UST: variants seen among roughly 807,000 people sequenced by gnomAD.
The protein encoded by UST is chondroitin sulfate 2-O-sulfotransferase.
In UST, 21 loss-of-function variants were observed where a neutral mutation model predicts 45.6. That is an observed-to-expected ratio of 0.46 (90% CI 0.33 to 0.66). The LOEUF (loss-of-function observed/expected upper bound fraction) is 0.66, where lower values mean the gene tolerates loss of function less well. Ranked by LOEUF, UST falls within the 30% of genes least tolerant of loss-of-function variation. UST has a pLI of 0.02. For missense variants in UST, 463 were observed against 512.4 expected (o/e 0.90, Z 0.93); for synonymous variants, 215 against 200.6 (o/e 1.07, Z -0.61).
At chr6:148,768,703 C>T (rs1328563846) in intron 1 of UST, among the ~76,000 whole-genome samples, 1 of 152,212 alleles carries the variant, frequency 6.6e-6, no homozygotes, top group East Asian at 1.9e-4. Context: ...CCTTCTTTAA[C>T]AGTAAATGAA....
rs933102028 is a variant in UST, at chr6:148,904,743, C to T, written c.291+17714C>T. ...TTCATCATGTTGGACAGGCTGGTCT[C>T]GAACCCCTGACCTCAAGTGAAGTCC... On this transcript the variant is annotated intron_variant, in intron 2 of 7. Coordinates refer to ENST00000367463, the MANE Select transcript of UST (RefSeq NM_005715.3). Among the ~76,000 whole-genome samples the T allele has an allele frequency of 3.3e-5, 5 of 152,156 alleles. No homozygotes were observed. The South Asian group carries it at 6.2e-4, about 19-fold the overall frequency.
At chr6:148,752,890 T>G (rs1776016851) in intron 1 of UST, among the ~76,000 whole-genome samples, 1 of 152,228 alleles carries the variant, frequency 6.6e-6, no homozygotes, top group East Asian at 1.9e-4. Context: ...GCTTTTTTTT[T>G]GTTTTTTGGA....
intron 1 of UST, among the ~76,000 whole-genome samples, chr6:148,830,431 C>T (rs147896874): frequency 1.3e-4 from 20 of 152,324 alleles, no homozygotes; most frequent in African/African-American, 4.6e-4. Context: ...CAAAGACGAC[C>T]GGACTAAGCA....
Position 148,941,282 on chromosome 6 carries a change from C to T in UST, c.295C>T (p.Leu99=). The change falls in exon 3 of 8, where the codon CTA becomes TTA. Residue 99 remains leucine (L), a synonymous_variant. Coordinates refer to ENST00000367463, the MANE Select transcript of UST (RefSeq NM_005715.3). Reference sequence around the variant, plus strand: ...GTTCTCTTGGTTTTTTTCCCAGGTACTACCTTTCCCAAGCCAGGTGGTGTA... The same window carrying T: ...GTTCTCTTGGTTTTTTTCCCAGGTATTACCTTTCCCAAGCCAGGTGGTGTA... ...DDHGPPPSKV[L]PFPSQVVYNR... The T allele has an allele frequency of 1.2e-6, 2 of 1,612,744 alleles. No homozygotes were observed. Among genetic ancestry groups the T allele is most frequent in the Non-Finnish European group, 1.7e-6 (2 of 1,179,656 alleles).
intron 5 of UST, among the ~76,000 whole-genome samples, chr6:149,010,798 C>T (rs1402793447): frequency 6.7e-6 from 1 of 148,150 alleles, no homozygotes; most frequent in Non-Finnish European, 1.5e-5. Flanking sequence ...GAGGCTGAGG[C>T]AGGAGAATCG....
rs1377353562 is a variant in UST, at chr6:149,043,005, TTCTTTCTTTCTTTCTTTTTC to T, written c.937+21526_937+21545del. 4.4e-3 allele frequency among the ~76,000 whole-genome samples: 514 copies of T among 117,314 alleles called. 1 individual carries two copies. Among genetic ancestry groups the T allele is most frequent in the African/African-American group, 0.013 (318 of 24,492 alleles). The allele number at this position is 117,314 out of a possible 152,430, so 77.0% of individuals were successfully genotyped here. A position where few individuals can be genotyped will look rare whatever the true frequency, so the allele number is the denominator to read the frequency against. On this transcript the variant is annotated intron_variant, in intron 7 of 7. Transcript: ENST00000367463. Reference sequence around the variant, plus strand: ...TTTCTTTCTTTCTTTCTTTCTTTCTTTCTTTCTTTCTTTCTTTTTCTTTCTTTCTTTCTTTCTTTCCTTCT... The same window carrying T: ...TTTCTTTCTTTCTTTCTTTCTTTCTTTTTCTTTCTTTCTTTCTTTCCTTCT...
intron 5 of UST, among the ~76,000 whole-genome samples, chr6:149,011,627 A>T (rs1248245033): frequency 2.0e-5 from 3 of 152,150 alleles, no homozygotes; most frequent in Non-Finnish European, 4.4e-5. Flanking sequence ...CCTGGCTAAC[A>T]TGGCAAAACG....
intron 2 of UST, among the ~76,000 whole-genome samples, chr6:148,903,725 T>A (rs1779304488): frequency 6.6e-6 from 1 of 152,168 alleles, no homozygotes; most frequent in Admixed American, 6.5e-5. Context: ...CAGGTGACTC[T>A]AATATGCAGG....
intron 1 of UST, among the ~76,000 whole-genome samples, chr6:148,860,905 T>G (rs1349241033): frequency 1.3e-5 from 2 of 152,222 alleles, no homozygotes; most frequent in Non-Finnish European, 2.9e-5. Context: ...TGCCAGTATT[T>G]TATTGAGGAT....
chr6:148,917,044 A>AGGAGAAAGGAGT (rs1262907778), intron 2 of UST, among the ~76,000 whole-genome samples: 2 of 152,132 alleles, frequency 1.3e-5, no homozygotes, highest in Non-Finnish European at 2.9e-5. Context: ...GTGTGCAAAG[A>AGGAGAAAGGAGT]GGAGAAAGGA....
intron 1 of UST, among the ~76,000 whole-genome samples, chr6:148,827,571 AC>A (rs1777596239): frequency 1.3e-5 from 2 of 151,846 alleles, no homozygotes; most frequent in South Asian, 4.2e-4. Flanking sequence ...AGCTGAGATC[AC>A]ACCACTGCAC....
intron 1 of UST, among the ~76,000 whole-genome samples, chr6:148,762,535 CTTT>C (rs373630504): frequency 7.5e-6 from 1 of 133,752 alleles, no homozygotes. Flanking sequence ...AGGCTTCTAT[CTTT>C]TTTTTTTTTT....
intron 3 of UST, among the ~76,000 whole-genome samples, chr6:148,952,143 G>A (rs1780377373): frequency 6.6e-6 from 1 of 152,146 alleles, no homozygotes; most frequent in Admixed American, 6.5e-5. Flanking sequence ...CATACACACA[G>A]TCAAGAGTTA....
At chr6:148,948,168 G>A (rs1408319055) in intron 3 of UST, among the ~76,000 whole-genome samples, 1 of 152,220 alleles carries the variant, frequency 6.6e-6, no homozygotes, top group Admixed American at 6.5e-5. Context: ...TGGGAAGAGG[G>A]AAGGGTCACC....
chr6:149,023,439 A>G (rs1356667768), intron 7 of UST, among the ~76,000 whole-genome samples: 1 of 152,200 alleles, frequency 6.6e-6, no homozygotes, highest in Non-Finnish European at 1.5e-5. Flanking sequence ...AGCCCCAACC[A>G]ACATGTTAAT....
chr6:148,875,633 A>G (rs1173152594), intron 1 of UST, among the ~76,000 whole-genome samples: 1 of 152,178 alleles, frequency 6.6e-6, no homozygotes, highest in African/African-American at 2.4e-5. Context: ...GTGAAACCCC[A>G]TCTCTACTAA....
Position 148,991,195 on chromosome 6 carries a change from T to C in UST, c.681+26632T>C, listed in dbSNP as rs114702340. ...GGGTCCACAGATCCCCACAAAAAGT[T>C]CATGGGTAAATTACAGAGGATCTCT... On this transcript the variant is annotated intron_variant, in intron 5 of 7. Transcript: ENST00000367463. 9.0e-3 allele frequency among the ~76,000 whole-genome samples: 1,363 copies of C among 152,218 alleles called. 17 individuals carry two copies. The highest frequency in any genetic ancestry group is 0.031 in the African/African-American group (1,304 of 41,530).
intron 5 of UST, among the ~76,000 whole-genome samples, chr6:149,002,560 G>A (rs562285383): frequency 6.6e-6 from 1 of 152,210 alleles, no homozygotes; most frequent in South Asian, 2.1e-4. Context: ...AGGCTGGAGT[G>A]CAGTGGCGCA....
At chr6:148,899,186 G>A (rs1779199223) in intron 2 of UST, among the ~76,000 whole-genome samples, 1 of 125,672 alleles carries the variant, frequency 8.0e-6, no homozygotes, top group Non-Finnish European at 1.6e-5. Flanking sequence ...TGCAAGCTCC[G>A]CCTCCCGGGT....
Sources: gnomAD v4.1 joint callset for allele counts (sites outside exome capture counted in the v4.1 genomes callset) on GRCh38, gnomAD v4.1.1 for gene constraint, MANE v1.5 for transcripts, NCBI Gene and HGNC (gene_info 2026-07-23, HGNC 2026-07-21) for gene names.